Variants in LRRC4B observed in about 807,000 individuals in gnomAD.
LRRC4B encodes leucine rich repeat containing 4B.
In LRRC4B, 1 loss-of-function variant was observed where a neutral mutation model predicts 7.3. The observed-to-expected ratio is 0.14, with a 90% CI of 0.05 to 0.65. LRRC4B has a LOEUF of 0.65. LRRC4B is among the 30% of genes least tolerant of loss of function. LRRC4B has a pLI of 0.84. For synonymous variants in LRRC4B, 500 were observed against 499.2 expected, an observed-to-expected ratio of 1.00 and a Z score of -0.02; for missense variants, 730 against 1,041.6, an observed-to-expected ratio of 0.70 and a Z score of 4.12.
At chr19:50,550,626 A>G (rs574529269) in intron 1 of LRRC4B, among the ~76,000 whole-genome samples, 7 of 152,284 alleles carry the variant, frequency 4.6e-5, no homozygotes, top group Admixed American at 4.6e-4. Flanking sequence ...CATGTGTGAG[A>G]GCGAGGGCTA....
In LRRC4B at chr19:50,563,836, C is replaced by G. The variant is rs55798921; in HGVS notation, c.-36+4108G>C. On this transcript the variant is annotated intron_variant, in intron 1 of 2. Coordinates refer to ENST00000652263, the MANE Select transcript of LRRC4B (RefSeq NM_001080457.2). This position sits in a 1 kb window ranked among gnomAD's most constrained non-coding sequence, Gnocchi z 4.9. Reference sequence around the variant, plus strand: ...TGGAGAATGGGCGTGTGCTCTGCGTCCTGGCAGTCTTAAGAACCACTTCTC... The same window carrying G: ...TGGAGAATGGGCGTGTGCTCTGCGTGCTGGCAGTCTTAAGAACCACTTCTC... Among the ~76,000 whole-genome samples, 18,188 of 152,250 alleles carry G rather than the reference C, an allele frequency of 0.12. 1,321 individuals are homozygous for G. Among genetic ancestry groups the G allele is most frequent in the Middle Eastern group, 0.26 (75 of 294 alleles).
At chr19:50,524,105 C>T (rs1021451887) in intron 2 of LRRC4B, among the ~76,000 whole-genome samples, 2 of 152,072 alleles carry the variant, frequency 1.3e-5, no homozygotes, top group East Asian at 3.8e-4. Context: ...GGAATAAAAA[C>T]AAAACCAAAC....
chr19:50,523,692 C>T (rs1241421415), intron 2 of LRRC4B, among the ~76,000 whole-genome samples: 1 of 151,818 alleles, frequency 6.6e-6, no homozygotes, highest in Non-Finnish European at 1.5e-5. Context: ...GGCATGGTGG[C>T]TCATGCCTGT....
At chr19:50,522,139 C>T (rs1601372004) in intron 2 of LRRC4B, among the ~76,000 whole-genome samples, 1 of 151,934 alleles carries the variant, frequency 6.6e-6, no homozygotes, top group African/African-American at 2.4e-5. Context: ...GATCGTGCCA[C>T]TGAGCTCCAG....
intron 2 of LRRC4B, among the ~76,000 whole-genome samples, chr19:50,538,819 T>G (rs1433065665): frequency 5.9e-5 from 9 of 152,014 alleles, no homozygotes; most frequent in Admixed American, 5.9e-4. Flanking sequence ...TCCACCTGCC[T>G]TGGCCTCCCA....
Position 50,537,805 on chromosome 19 carries a change from G to C in LRRC4B, c.297+10737C>G, listed in dbSNP as rs1488681188. ...CGGAGTGGTGACAAGGATTATGTGG[G>C]CCCCGAGATGGCGCTGCTGAGGGAA... is the stretch of plus-strand genomic sequence containing the variant. On this transcript the variant is annotated intron_variant, in intron 2 of 2. Coordinates refer to ENST00000652263, the MANE Select transcript of LRRC4B (RefSeq NM_001080457.2). This position sits in a 1 kb window ranked among gnomAD's most constrained non-coding sequence, Gnocchi z 5.5. Among the ~76,000 whole-genome samples, 1 of 152,158 alleles carries C rather than the reference G, an allele frequency of 6.6e-6. No homozygotes were observed. The highest frequency in any genetic ancestry group is 1.5e-5 in the Non-Finnish European group (1 of 68,030).
chr19:50,548,735 C>G lies in LRRC4B; in HGVS notation c.104G>C (p.Gly35Ala), dbSNP rs1301414835. Residue 35 changes from glycine to alanine, a missense_variant, in exon 2 of 3, where the codon GGG becomes GCG. By Grantham distance (60) the Gly-to-Ala change is moderately conservative. This residue lies in a region of LRRC4B where 143 missense variants were observed against 158.4 expected (regional missense o/e 0.90). Coordinates refer to ENST00000652263, the MANE Select transcript of LRRC4B (RefSeq NM_001080457.2). The surrounding 1 kb of genome is among the most constrained non-coding windows in gnomAD (Gnocchi z 6.8). ...CACGGCCACTCCACCTCCACCGGCC[C>G]CCAGGGGTGGGGAGAAGAGCCAGAG... is the stretch of plus-strand genomic sequence containing the variant. ...LFLWLFSPPL[G>A]AGGGGVAVTS... The G allele has an allele frequency of 1.9e-6, 3 of 1,540,644 alleles. No individual in the cohort carries two copies. Among genetic ancestry groups the G allele is most frequent in the Non-Finnish European group, 2.6e-6 (3 of 1,147,106 alleles).
intron 2 of LRRC4B, among the ~76,000 whole-genome samples, chr19:50,529,928 A>T (rs938174160): frequency 6.6e-6 from 1 of 151,756 alleles, no homozygotes. Flanking sequence ...TTCCCAGCAA[A>T]CACTCTGTGC....
intron 2 of LRRC4B, among the ~76,000 whole-genome samples, chr19:50,538,559 GTTTTTTTTT>G (rs71886675): frequency 4.4e-5 from 4 of 90,350 alleles, no homozygotes; most frequent in South Asian, 3.7e-4. Context: ...GTTTTGTCTT[GTTTTTTTTT>G]TTTTTTTTTT....
Position 50,553,124 on chromosome 19 carries a change from A to C in LRRC4B, c.-35-4251T>G, listed in dbSNP as rs1366995068. 6.6e-6 allele frequency among the ~76,000 whole-genome samples: 1 copy of C among 152,178 alleles called. No homozygotes were observed. The highest frequency in any genetic ancestry group is 2.4e-5 in the African/African-American group (1 of 41,440). On this transcript the variant is annotated intron_variant, in intron 1 of 2. Coordinates refer to ENST00000652263, the MANE Select transcript of LRRC4B (RefSeq NM_001080457.2). This position sits in a 1 kb window ranked among gnomAD's most constrained non-coding sequence, Gnocchi z 4.2. ...ATATGCGGAATCAGACCCCAGAATCAGAGGATCTTTCTCCCCACGCCCAGG... is the reference window on the plus strand; with the variant it reads ...ATATGCGGAATCAGACCCCAGAATCCGAGGATCTTTCTCCCCACGCCCAGG...
At chr19:50,538,559 G>GTTTTTTTTTTT (rs71886675) in intron 2 of LRRC4B, among the ~76,000 whole-genome samples, 4 of 90,324 alleles carry the variant, frequency 4.4e-5, no homozygotes, top group Non-Finnish European at 9.4e-5. Flanking sequence ...GTTTTGTCTT[G>GTTTTTTTTTTT]TTTTTTTTTT....
intron 2 of LRRC4B, among the ~76,000 whole-genome samples, chr19:50,539,189 T>C (rs1981435867): frequency 6.6e-6 from 1 of 152,222 alleles, no homozygotes; most frequent in Admixed American, 6.5e-5. Context: ...GGTTTTGTTT[T>C]TTGTTTTTGC....
At chr19:50,534,038 G>A (rs899434163) in intron 2 of LRRC4B, among the ~76,000 whole-genome samples, 1 of 152,142 alleles carries the variant, frequency 6.6e-6, no homozygotes, top group African/African-American at 2.4e-5. Flanking sequence ...ACATTACCAT[G>A]TATTGTTTCG....
At chr19:50,546,601 T>A (rs1021851217) in intron 2 of LRRC4B, among the ~76,000 whole-genome samples, 2 of 152,166 alleles carry the variant, frequency 1.3e-5, no homozygotes, top group Non-Finnish European at 2.9e-5. Flanking sequence ...CCTTTGACAA[T>A]GTCCACCTTG....
intron 2 of LRRC4B, among the ~76,000 whole-genome samples, chr19:50,531,521 A>T (rs755498727): frequency 1.3e-5 from 2 of 152,226 alleles, no homozygotes; most frequent in Admixed American, 1.3e-4. Flanking sequence ...CACTTTAATA[A>T]TGCAGTTGAG....
chr19:50,517,325 C>T lies in LRRC4B; in HGVS notation c.*246G>A. On this transcript the variant is annotated 3_prime_UTR_variant, in exon 3 of 3. Transcript: ENST00000652263. The surrounding 1 kb of genome is among the most constrained non-coding windows in gnomAD (Gnocchi z 6.6). ...AGGCCACTTCTCCTGGGTCCCACGT[C>T]CCCTCCCGTCACCGGGGATTGGCGG... 2.8e-6 allele frequency: 1 copy of T among 360,098 alleles called. No homozygotes were observed. The highest frequency in any genetic ancestry group is 5.0e-6 in the Non-Finnish European group (1 of 201,616). The allele number at this position is 360,098 out of a possible 1,614,324, so 22.3% of individuals were successfully genotyped here.
chr19:50,531,849 G>C (rs1017402629), intron 2 of LRRC4B, among the ~76,000 whole-genome samples: 3 of 152,216 alleles, frequency 2.0e-5, no homozygotes, highest in Non-Finnish European at 4.4e-5. Flanking sequence ...CGCTTGGGAT[G>C]AGACAATGAA....
Position 50,517,489 on chromosome 19 carries a change from G to A in LRRC4B, c.*82C>T. On this transcript the variant is annotated 3_prime_UTR_variant, in exon 3 of 3. Transcript: ENST00000652263. This position sits in a 1 kb window ranked among gnomAD's most constrained non-coding sequence, Gnocchi z 6.6. ...CCAGAAGGTGGGCTGGGCTGTGGGA[G>A]GGAGGGGTCCCGGTCAGGCTGCGCC... is the stretch of plus-strand genomic sequence containing the variant. 8.8e-6 allele frequency: 11 copies of A among 1,248,374 alleles called. No homozygotes were observed. The highest frequency in any genetic ancestry group is 1.1e-5 in the Non-Finnish European group (11 of 967,472). The allele number at this position is 1,248,374 out of a possible 1,614,324, so 77.3% of individuals were successfully genotyped here. A position where few individuals can be genotyped will look rare whatever the true frequency, so the allele number is the denominator to read the frequency against.
intron 2 of LRRC4B, among the ~76,000 whole-genome samples, chr19:50,524,501 G>A (rs776693275): frequency 2.0e-4 from 30 of 152,102 alleles, no homozygotes; most frequent in Admixed American, 7.9e-4. Context: ...CGATCCTCCC[G>A]TCTCAGCCTC....
Sources: gnomAD v4.1 joint callset for allele counts (sites outside exome capture counted in the v4.1 genomes callset) on GRCh38, gnomAD v4.1.1 for gene constraint, gnomAD v4.1.1 regional missense constraint, Gnocchi (gnomAD v3.1) non-coding constraint, MANE v1.5 for transcripts, NCBI Gene and HGNC (gene_info 2026-07-23, HGNC 2026-07-21) for gene names.